FAM20C: variants seen among roughly 807,000 people sequenced by gnomAD.
The protein encoded by FAM20C is FAM20C golgi associated secretory pathway kinase.
In FAM20C, 40 loss-of-function variants were observed where a neutral mutation model predicts 51.5. The ratio of observed to expected loss-of-function variants is 0.78; its 90% CI spans 0.60 to 1.01. The LOEUF is 1.01. FAM20C is among the 50% of genes least tolerant of loss of function. The pLI is 0.00. For missense variants in FAM20C, 861 were observed against 844.7 expected (o/e 1.02, Z -0.24); for synonymous variants, 406 against 380.6 (o/e 1.07, Z -0.78).
chr7:256,970 C>T, intron 7 of FAM20C, 35 bp from the exon 8 acceptor site: 1 of 1,535,728 alleles, frequency 6.5e-7, no homozygotes, highest in Non-Finnish European at 8.7e-7. Context: ...GCCCGGCTCC[C>T]CACGAGCTGT....
chr7:204,534 G>C (rs1786264450), intron 2 of FAM20C, among the ~76,000 whole-genome samples: 1 of 152,258 alleles, frequency 6.6e-6, no homozygotes, highest in South Asian at 2.1e-4. Context: ...TGAGCTGTGA[G>C]CTCAGGGGCA....
In FAM20C at chr7:193,691, G is replaced by C. The variant is rs770065356; in HGVS notation, c.492G>C (p.Leu164=). ...PGGDASLLAR[L]FEHPLYRVAV... Reference sequence around the variant, plus strand: ...GAGACGCCTCCCTCCTGGCCAGGCTGTTCGAGCACCCGCTTTACCGGGTGG... The same window carrying C: ...GAGACGCCTCCCTCCTGGCCAGGCTCTTCGAGCACCCGCTTTACCGGGTGG... Residue 164 remains leucine (L), a synonymous_variant, in exon 1 of 10, where the codon CTG becomes CTC. Transcript: ENST00000313766. 10 of 1,545,608 alleles carry C rather than the reference G, an allele frequency of 6.5e-6. No homozygotes were observed. Among genetic ancestry groups the C allele is most frequent in the Non-Finnish European group, 8.7e-6 (10 of 1,145,088 alleles).
rs1244146703 is a variant in FAM20C, at chr7:208,979, A to G, written c.863+3A>G. 1 of 1,577,586 alleles carries G rather than the reference A, an allele frequency of 6.3e-7. No homozygotes were observed. The highest frequency in any genetic ancestry group is 2.3e-5 in the East Asian group (1 of 42,900). On this transcript the variant is annotated splice_donor_region_variant and intron_variant, in intron 3 of 9. Coordinates refer to ENST00000313766, the MANE Select transcript of FAM20C (RefSeq NM_020223.4). ...CAAGCGCTGTTCAAACCCATGAAGT[A>G]AGTGCCGAGGCCTGTGGGCTGGGGC...
At chr7:204,518 G>A (rs1043618259) in intron 2 of FAM20C, among the ~76,000 whole-genome samples, 2 of 152,252 alleles carry the variant, frequency 1.3e-5, no homozygotes, top group Non-Finnish European at 2.9e-5. Flanking sequence ...CACGTGACCC[G>A]GGGTGTGAGC....
rs145759812 is a variant in FAM20C, at chr7:255,234, G to T, written c.1073-615G>T. Among the ~76,000 whole-genome samples, 41 of 152,276 alleles carry T rather than the reference G, an allele frequency of 2.7e-4. No individual in the cohort carries two copies. The East Asian group carries it at 7.9e-3, about 29-fold the overall frequency. On this transcript the variant is annotated intron_variant, in intron 5 of 9. Transcript: ENST00000313766. ...AGCGCACAGAGGTGGCGGTTCCCCC[G>T]TCCCAGCCGGCAGCTGCTCTTTTGA...
intron 3 of FAM20C, 77 bp downstream of exon 3, chr7:209,053 A>T: frequency 7.0e-7 from 1 of 1,423,076 alleles, no homozygotes; most frequent in South Asian, 1.2e-5. Flanking sequence ...TCTGCTGGGG[A>T]TGGCCGTGTC....
chr7:230,411 C>T (rs962544971), intron 3 of FAM20C, among the ~76,000 whole-genome samples: 1 of 140,140 alleles, frequency 7.1e-6, no homozygotes, highest in Non-Finnish European at 1.5e-5. Context: ...CTTAAAGTGC[C>T]CCTGTCTGTG....
chr7:248,378 C>T lies in FAM20C; in HGVS notation c.1020C>T (p.Ile340=). 1 of 1,537,190 alleles carries T rather than the reference C, an allele frequency of 6.5e-7. No individual in the cohort carries two copies. The highest frequency in any genetic ancestry group is 8.7e-7 in the Non-Finnish European group (1 of 1,146,886). ...GGATGGTCAACATGACCAAGGAGAT[C>T]CGGGACGTCACACGGGACAAGAAGC... is the stretch of plus-strand genomic sequence containing the variant. ...AGRMVNMTKE[I]RDVTRDKKLW... The change falls in exon 5 of 10, where the codon ATC becomes ATT. Residue 340 remains isoleucine, a synonymous_variant. Coordinates refer to ENST00000313766, the MANE Select transcript of FAM20C (RefSeq NM_020223.4).
intron 3 of FAM20C, among the ~76,000 whole-genome samples, chr7:229,868 G>T (rs1470056197): frequency 6.6e-6 from 1 of 152,126 alleles, no homozygotes; most frequent in Non-Finnish European, 1.5e-5. Flanking sequence ...CCTTCATTTA[G>T]TGAGTCAGGG....
At chr7:233,600 G>A (rs1243861178) in intron 3 of FAM20C, among the ~76,000 whole-genome samples, 1 of 152,170 alleles carries the variant, frequency 6.6e-6, no homozygotes, top group Non-Finnish European at 1.5e-5. Context: ...CTGCGTTGGC[G>A]GCTGGGGTCC....
At chr7:198,760 A>T (rs1786002525) in intron 2 of FAM20C, among the ~76,000 whole-genome samples, 1 of 152,188 alleles carries the variant, frequency 6.6e-6, no homozygotes, top group South Asian at 2.1e-4. Context: ...AGGGTCTCCA[A>T]CACTGCAGCA....
chr7:251,655 C>A (rs527963461), intron 5 of FAM20C, among the ~76,000 whole-genome samples: 11 of 152,358 alleles, frequency 7.2e-5, no homozygotes, highest in Non-Finnish European at 1.2e-4. Context: ...TGCCCCTGAG[C>A]TCTGTGCTGC....
chr7:244,968 G>C (rs1253895309), intron 3 of FAM20C, among the ~76,000 whole-genome samples: 1 of 152,230 alleles, frequency 6.6e-6, no homozygotes, highest in Admixed American at 6.5e-5. Flanking sequence ...GAGGACGGGA[G>C]CCACGGGCTG....
At chr7:257,706 A>C (rs912705279) in intron 8 of FAM20C, among the ~76,000 whole-genome samples, 1 of 148,054 alleles carries the variant, frequency 6.8e-6, no homozygotes, top group Non-Finnish European at 1.5e-5. Context: ...CCAGGACCCC[A>C]CATACAGGGC....
In FAM20C at chr7:248,608, T is replaced by C. The variant is rs374306453; in HGVS notation, c.1072+178T>C. ...GGCACGGGGGGCCGCATTCATCTCT[T>C]CAGGTAGCCTGGCACGGGGAGCCCA... On this transcript the variant is annotated intron_variant, in intron 5 of 9. Transcript: ENST00000313766. Among the ~76,000 whole-genome samples, 10,057 of 45,354 alleles carry C rather than the reference T, an allele frequency of 0.22. 1,259 individuals carry two copies. The highest frequency in any genetic ancestry group is 0.33 in the Middle Eastern group (16 of 48). 29.8% of individuals were successfully genotyped at this position (45,354 alleles called of 152,430 possible). A position where few individuals can be genotyped will look rare whatever the true frequency, so the allele number is the denominator to read the frequency against.
chr7:213,464 TG>T (rs2115077603), intron 3 of FAM20C, among the ~76,000 whole-genome samples: 1 of 152,382 alleles, frequency 6.6e-6, no homozygotes, highest in South Asian at 2.1e-4. Context: ...CCTTTGTGAC[TG>T]ACACGTGGTT....
At chr7:209,322 G>A (rs1037194423) in intron 3 of FAM20C, among the ~76,000 whole-genome samples, 1 of 152,218 alleles carries the variant, frequency 6.6e-6, no homozygotes, top group African/African-American at 2.4e-5. Context: ...CTTCCCAGCA[G>A]GCCTCCGGAG....
intron 3 of FAM20C, among the ~76,000 whole-genome samples, chr7:211,537 G>A (rs114029083): frequency 0.011 from 1,647 of 151,990 alleles, 31 homozygotes; most frequent in African/African-American, 0.036. Context: ...GTCCTGCAGC[G>A]GGCAGAGGTG....
intron 8 of FAM20C, among the ~76,000 whole-genome samples, 163 bp from the exon 9 acceptor site, chr7:258,483 G>C (rs1294722704): frequency 4.8e-5 from 7 of 146,406 alleles, no homozygotes; most frequent in African/African-American, 1.3e-4. Context: ...GCTGGAGATG[G>C]GTGGGATGGA....
Sources: gnomAD v4.1 joint callset for allele counts (sites outside exome capture counted in the v4.1 genomes callset) on GRCh38, gnomAD v4.1.1 for gene constraint, MANE v1.5 for transcripts, NCBI Gene and HGNC (gene_info 2026-07-23, HGNC 2026-07-21) for gene names.